BCAN: variants seen among roughly 807,000 people sequenced by gnomAD.
The protein encoded by BCAN is brevican core protein.
A neutral mutation model predicts 92.4 loss-of-function variants in BCAN; 51 were observed. The observed-to-expected ratio is 0.55, with a 90% CI of 0.44 to 0.70. BCAN has a LOEUF of 0.70. BCAN is among the 30% of genes least tolerant of loss of function. BCAN has a pLI of 0.00. For missense variants in BCAN, 1,140 were observed against 1,212.1 expected, an observed-to-expected ratio of 0.94 and a Z score of 0.88; for synonymous variants, 501 against 505.2, an observed-to-expected ratio of 0.99 and a Z score of 0.11.
chr1:156,649,222 A>G (rs530072699), intron 6 of BCAN, among the ~76,000 whole-genome samples: 5 of 152,330 alleles, frequency 3.3e-5, no homozygotes, highest in Non-Finnish European at 7.4e-5. Flanking sequence ...AATCTGCCCA[A>G]GTTCTTCCAG....
intron 8 of BCAN, 93 bp downstream of exon 8, chr1:156,652,985 A>G (rs1455980053): frequency 6.4e-7 from 1 of 1,553,916 alleles, no homozygotes; most frequent in Admixed American, 1.8e-5. Flanking sequence ...CCTTTAACCC[A>G]CCATCATCCC....
chr1:156,653,758 A>G (rs1284420707), intron 8 of BCAN, among the ~76,000 whole-genome samples: 1 of 152,160 alleles, frequency 6.6e-6, no homozygotes, highest in African/African-American at 2.4e-5. Flanking sequence ...CCCCTGGAGA[A>G]GTCATCATCC....
rs777771060 is a variant in BCAN, at chr1:156,652,696, C to A, written c.1746C>A (p.Ser582Arg). Residue 582 changes from serine to arginine, a missense_variant, in exon 8 of 14, where the codon AGC becomes AGA. Ser to Arg is a moderately radical substitution (Grantham distance 110). Coordinates refer to ENST00000329117, the MANE Select transcript of BCAN (RefSeq NM_021948.5). ...TATCTGGGGTCCCTCGAGGAGAGAG[C>A]GAGGAGACAGGAAGCTCCGAGGGTG... ...PELSGVPRGE[S>R]EETGSSEGAP... 3.1e-6 allele frequency: 5 copies of A among 1,607,636 alleles called. No homozygotes were observed. The highest frequency in any genetic ancestry group is 3.4e-5 in the Admixed American group (2 of 59,632).
chr1:156,657,174 T>C (rs145316893), intron 10 of BCAN, 78 bp downstream of exon 10: 1 of 1,548,172 alleles, frequency 6.5e-7, no homozygotes, highest in African/African-American at 1.4e-5. Context: ...GCCTTCCTCA[T>C]TAACCCATGC....
rs764706588 is a variant in BCAN, at chr1:156,659,406, G to A, written c.*272G>A. The A allele has an allele frequency of 6.3e-6, 3 of 479,210 alleles. No homozygotes were observed. Among genetic ancestry groups the A allele is most frequent in the East Asian group, 7.5e-5 (2 of 26,636 alleles). 29.7% of individuals were successfully genotyped at this position (479,210 alleles called of 1,614,324 possible). A position where few individuals can be genotyped will look rare whatever the true frequency, so the allele number is the denominator to read the frequency against. On this transcript the variant is annotated 3_prime_UTR_variant, in exon 14 of 14. Coordinates refer to ENST00000329117, the MANE Select transcript of BCAN (RefSeq NM_021948.5). The stretch of plus-strand genomic sequence containing the variant: ...CTGCCCTCTCCCTGGCAGCCATCTT[G>A]TCCCCTCTATTCCTCTAGGGAGCAC...
rs1557987855 is a variant in BCAN, at chr1:156,648,773, C to T, written c.975C>T (p.Gly325=). 6 of 1,609,042 alleles carry T rather than the reference C, an allele frequency of 3.7e-6. No individual in the cohort carries two copies. Among genetic ancestry groups the T allele is most frequent in the Non-Finnish European group, 5.1e-6 (6 of 1,175,856 alleles). ...CACCCAGCCAGCGCTGTGGTGGGGG[C>T]TTGCCTGGTGTCAAGACTCTCTTCC... is the stretch of plus-strand genomic sequence containing the variant. ...IVTPSQRCGG[G]LPGVKTLFLF... The change falls in exon 6 of 14, where the codon GGC becomes GGT. Residue 325 remains glycine, a synonymous_variant. Transcript: ENST00000329117.
At chr1:156,657,151 C>T (rs1218881277) in intron 10 of BCAN, 55 bp downstream of exon 10, 1 of 1,587,378 alleles carries the variant, frequency 6.3e-7, no homozygotes, top group African/African-American at 1.3e-5. Context: ...CACTCTCTCT[C>T]ACTCGCCTAA....
intron 10 of BCAN, chr1:156,657,442 T>G (rs1362966124): frequency 1.8e-6 from 1 of 551,140 alleles, no homozygotes; most frequent in Non-Finnish European, 3.2e-6. Flanking sequence ...TTTTGACTCT[T>G]TTTCCAAAAC....
At chr1:156,643,635 C>CACAGAGAGAGAGAG (rs549293956) in intron 1 of BCAN, 17 of 103,856 alleles carry the variant, frequency 1.6e-4, no homozygotes, top group East Asian at 1.4e-3. Context: ...CACACACACA[C>CACAGAGAGAGAGAG]AGAGAGAGAG....
rs1679162580 is a variant in BCAN, at chr1:156,651,486, C to T, written c.1094C>T (p.Ala365Val). ...GCCCAGCCTTCTGCCATCCCTGAGG[C>T]CTCCAACCCAGCCTCCAACCCAGCC... ...DSAQPSAIPEASNPASNPASD... is the reference protein window; with the variant it reads ...DSAQPSAIPEVSNPASNPASD... Residue 365 changes from alanine (A) to valine (V), a missense_variant, in exon 7 of 14, where the codon GCC becomes GTC. Around this residue, in one of 3 missense-constraint regions of BCAN, gnomAD observed 825 missense variants for 871.8 expected, o/e 0.95. Coordinates refer to ENST00000329117, the MANE Select transcript of BCAN (RefSeq NM_021948.5). 2 of 1,613,450 alleles carry T rather than the reference C, an allele frequency of 1.2e-6. No homozygotes were observed. Among genetic ancestry groups the T allele is most frequent in the African/African-American group, 2.7e-5 (2 of 74,898 alleles).
rs752782924 is a variant in BCAN, at chr1:156,647,923, A to G, written c.642-60A>G. Reference sequence around the variant, plus strand: ...GTGGCAGTGGGGTTCAATAGAATCAATATGGGCTGGCTCCCTGGTGAAAGC... The same window carrying G: ...GTGGCAGTGGGGTTCAATAGAATCAGTATGGGCTGGCTCCCTGGTGAAAGC... On this transcript the variant is annotated intron_variant, in intron 4 of 13. Transcript: ENST00000329117. This position sits in a 1 kb window ranked among gnomAD's most constrained non-coding sequence, Gnocchi z 4.8. 5 of 1,606,636 alleles carry G rather than the reference A, an allele frequency of 3.1e-6. No individual in the cohort carries two copies. The highest frequency in any genetic ancestry group is 2.2e-5 in the South Asian group (2 of 90,832).
chr1:156,652,643 G>T lies in BCAN; in HGVS notation c.1693G>T (p.Val565Leu). Residue 565 changes from valine (V) to leucine (L), a missense_variant, in exon 8 of 14, where the codon GTG becomes TTG. Physicochemically the swap from Val to Leu is conservative, Grantham distance 32 (BLOSUM62 1). Coordinates refer to ENST00000329117, the MANE Select transcript of BCAN (RefSeq NM_021948.5). ...TTCCACTCTGGTTGAGGCAAGAGAG[G>T]TGGGGGAGGCAACTGGTGGTCCTGA... ...SPSTLVEARE[V>L]GEATGGPELS... is the part of the protein sequence containing the mutation. 1 of 1,613,872 alleles carries T rather than the reference G, an allele frequency of 6.2e-7. No individual in the cohort carries two copies. The highest frequency in any genetic ancestry group is 1.7e-4 in the Middle Eastern group (1 of 6,060).
chr1:156,643,629 CACACACAGAGAG>C (rs1355943811), intron 1 of BCAN: 2 of 45,032 alleles, frequency 4.4e-5, no homozygotes, highest in African/African-American at 7.9e-5. Flanking sequence ...CACACACACA[CACACACAGAGAG>C]AGAGAGAGAG....
At chr1:156,657,886 G>A (rs376199260) in intron 11 of BCAN, 129 bp downstream of exon 11, 11 of 852,836 alleles carry the variant, frequency 1.3e-5, no homozygotes, top group South Asian at 1.8e-5. Context: ...CGTGCCCTGT[G>A]CCTCTTCTCC....
intron 1 of BCAN, chr1:156,643,209 A>G (rs1483587457): frequency 6.6e-6 from 1 of 152,262 alleles, no homozygotes; most frequent in African/African-American, 2.4e-5. Context: ...ACCAGTGCCT[A>G]TGTTGCTATG....
chr1:156,647,402 C>G lies in BCAN; in HGVS notation c.467-106C>G. ...AGTCCCTCATGCTGTAGAGTGAGCACAATTGAACTTTATTTACCCTTGTGT... is the reference window on the plus strand; with the variant it reads ...AGTCCCTCATGCTGTAGAGTGAGCAGAATTGAACTTTATTTACCCTTGTGT... On this transcript the variant is annotated intron_variant, in intron 3 of 13. Transcript: ENST00000329117. This position sits in a 1 kb window ranked among gnomAD's most constrained non-coding sequence, Gnocchi z 4.8. 1.6e-6 allele frequency: 2 copies of G among 1,268,572 alleles called. No homozygotes were observed. The highest frequency in any genetic ancestry group is 3.0e-5 in the South Asian group (2 of 66,368). The allele number at this position is 1,268,572 out of a possible 1,614,324, so 78.6% of individuals were successfully genotyped here.
chr1:156,643,633 C>CAGAGAGAGAGAGAGAGAGAGAGAGAG (rs1179850412), intron 1 of BCAN: 10 of 90,898 alleles, frequency 1.1e-4, no homozygotes, highest in African/African-American at 2.4e-4. Flanking sequence ...CACACACACA[C>CAGAGAGAGAGAGAGAGAGAGAGAGAG]ACAGAGAGAG....
intron 7 of BCAN, 87 bp from the exon 8 acceptor site, chr1:156,652,161 G>T: frequency 6.6e-7 from 1 of 1,504,582 alleles, no homozygotes; most frequent in Non-Finnish European, 8.9e-7. Flanking sequence ...TCACCCTCCT[G>T]AGCCCTACTT....
At chr1:156,651,397 G>T in intron 6 of BCAN, 59 bp from the exon 7 acceptor site, 1 of 1,436,118 alleles carries the variant, frequency 7.0e-7, no homozygotes, top group South Asian at 1.2e-5. Context: ...TGCAAGCTGT[G>T]ACCTGGGAGG....
Sources: allele counts gnomAD v4.1 joint callset (sites outside exome capture counted in the v4.1 genomes callset), GRCh38; gene constraint gnomAD v4.1.1; regional missense constraint gnomAD v4.1.1; non-coding constraint Gnocchi (gnomAD v3.1); transcripts MANE v1.5; gene names NCBI Gene and HGNC (gene_info 2026-07-23, HGNC 2026-07-21).